ICA1: variants seen among roughly 807,000 people sequenced by gnomAD.
The protein encoded by ICA1 is 69 kDa islet cell autoantigen.
ICA1 carries 40 observed loss-of-function variants against 71.0 expected under a neutral mutation model. The observed-to-expected ratio is 0.56, with a 90% CI of 0.44 to 0.73. ICA1 has a LOEUF of 0.73. Among genes scored for constraint, ICA1 ranks in the 30% least tolerant of loss-of-function variants. ICA1 has a pLI of 0.00. For missense variants in ICA1, 578 were observed against 576.5 expected (o/e 1.00, Z -0.03); for synonymous variants, 207 against 209.5 (o/e 0.99, Z 0.10).
At chr7:8,258,479 C>T (rs769548788) in intron 1 of ICA1, among the ~76,000 whole-genome samples, 6 of 152,200 alleles carry the variant, frequency 3.9e-5, no homozygotes, top group Non-Finnish European at 5.9e-5. Flanking sequence ...GGAGTTACCA[C>T]TAATTGAGGA....
chr7:8,140,975 C>T (rs79313596), intron 10 of ICA1, among the ~76,000 whole-genome samples: 1 of 152,160 alleles, frequency 6.6e-6, no homozygotes, highest in Non-Finnish European at 1.5e-5. Context: ...GCATATGTCC[C>T]CAGGGGGACC....
At chr7:8,138,391 C>T (rs1420573996) in intron 12 of ICA1, among the ~76,000 whole-genome samples, 6 of 152,120 alleles carry the variant, frequency 3.9e-5, no homozygotes, top group African/African-American at 1.2e-4. Context: ...CATCAAGGAC[C>T]CCTTACACAC....
At chr7:8,159,630 G>A (rs1419230917) in intron 6 of ICA1, among the ~76,000 whole-genome samples, 1 of 152,046 alleles carries the variant, frequency 6.6e-6, no homozygotes, top group Non-Finnish European at 1.5e-5. Flanking sequence ...AGCGTGGGAG[G>A]TGGAGGTTGC....
intron 10 of ICA1, among the ~76,000 whole-genome samples, chr7:8,141,382 G>A (rs1265061587): frequency 6.6e-6 from 1 of 152,130 alleles, no homozygotes; most frequent in African/African-American, 2.4e-5. Context: ...CACACATACC[G>A]CAAATCCACC....
intron 6 of ICA1, among the ~76,000 whole-genome samples, chr7:8,174,852 A>ATCAT (rs1192558602): frequency 2.6e-5 from 4 of 152,078 alleles, no homozygotes; most frequent in Admixed American, 6.5e-5. Context: ...TCTTGGCAGC[A>ATCAT]TCATTCTACC....
chr7:8,152,643 TCCA>T (rs777722192), intron 8 of ICA1, among the ~76,000 whole-genome samples: 54 of 94,298 alleles, frequency 5.7e-4, no homozygotes, highest in Middle Eastern at 4.9e-3. Context: ...CACCATCTCC[TCCA>T]CCACCACCAC....
intron 3 of ICA1, among the ~76,000 whole-genome samples, chr7:8,230,620 T>A (rs1208675310): frequency 6.6e-6 from 1 of 152,250 alleles, no homozygotes; most frequent in East Asian, 1.9e-4. Context: ...ATATTTGTAA[T>A]TAACATATTA....
intron 3 of ICA1, 133 bp downstream of exon 3, chr7:8,232,457 T>A: frequency 1.6e-6 from 1 of 623,994 alleles, no homozygotes; most frequent in Non-Finnish European, 2.4e-6. Flanking sequence ...ATGCTGGGAT[T>A]GAGTTTACCT....
chr7:8,222,144 C>T lies in ICA1; in HGVS notation c.257-746G>A, dbSNP rs1797305343. 6.6e-6 allele frequency among the ~76,000 whole-genome samples: 1 copy of T among 152,096 alleles called. No homozygotes were observed. The highest frequency in any genetic ancestry group is 6.6e-5 in the Admixed American group (1 of 15,264). On this transcript the variant is annotated intron_variant, in intron 4 of 13. Transcript: ENST00000402384. The surrounding 1 kb of genome is among the most constrained non-coding windows in gnomAD (Gnocchi z 4.8). ...CCATGTCTACTGTTAGGAGAACTTC[C>T]TAAGGAAGTAGCAAAATGGGCACAA...
At chr7:8,166,313 A>T (rs969991737) in intron 6 of ICA1, among the ~76,000 whole-genome samples, 2 of 152,248 alleles carry the variant, frequency 1.3e-5, no homozygotes, top group Non-Finnish European at 2.9e-5. Context: ...CCAGTGGAGC[A>T]GAATAGAGAG....
chr7:8,124,418 C>T (rs924608459), intron 13 of ICA1, among the ~76,000 whole-genome samples: 5 of 148,404 alleles, frequency 3.4e-5, no homozygotes, highest in African/African-American at 7.5e-5. Flanking sequence ...CGCGCCCAGC[C>T]GTGTATAGGT....
At chr7:8,146,206 G>A (rs1170049545) in intron 8 of ICA1, among the ~76,000 whole-genome samples, 2 of 152,152 alleles carry the variant, frequency 1.3e-5, no homozygotes, top group African/African-American at 4.8e-5. Flanking sequence ...AAAACCGAGG[G>A]ATAGAAAGTG....
chr7:8,251,138 T>C (rs188447005), intron 1 of ICA1, among the ~76,000 whole-genome samples: 1 of 152,194 alleles, frequency 6.6e-6, no homozygotes, highest in Admixed American at 6.5e-5. Context: ...TCCACCAGCT[T>C]TGGACTCCCC....
intron 12 of ICA1, among the ~76,000 whole-genome samples, chr7:8,129,318 G>T (rs534527928): frequency 1.6e-4 from 25 of 151,802 alleles, no homozygotes; most frequent in African/African-American, 5.8e-4. Context: ...CATATTAAAT[G>T]AGATGACCAG....
chr7:8,197,414 A>G (rs374350248), intron 6 of ICA1, among the ~76,000 whole-genome samples: 1 of 151,416 alleles, frequency 6.6e-6, no homozygotes, highest in Non-Finnish European at 1.5e-5. Flanking sequence ...TTAGCCGGGC[A>G]TGGCGGTGCG....
At chr7:8,215,166 A>G (rs1795015115) in intron 6 of ICA1, among the ~76,000 whole-genome samples, 1 of 152,096 alleles carries the variant, frequency 6.6e-6, no homozygotes, top group African/African-American at 2.4e-5. Flanking sequence ...CCGTCCCCTT[A>G]GAGCGGTGTC....
At chr7:8,225,061 C>CT (rs1798204689) in intron 4 of ICA1, among the ~76,000 whole-genome samples, 1 of 151,888 alleles carries the variant, frequency 6.6e-6, no homozygotes. Flanking sequence ...TGTTTTTTTC[C>CT]TTTTGTAATC....
At position 8,223,745 on chromosome 7, in the gene ICA1, T is replaced by C. The variant is rs1797785566; in HGVS notation, c.257-2347A>G. Among the ~76,000 whole-genome samples the C allele has an allele frequency of 6.6e-6, 1 of 152,000 alleles. No homozygotes were observed. Among genetic ancestry groups the C allele is most frequent in the South Asian group, 2.1e-4 (1 of 4,822 alleles). On this transcript the variant is annotated intron_variant, in intron 4 of 13. Coordinates refer to ENST00000402384, the MANE Select transcript of ICA1 (RefSeq NM_001136020.3). This position sits in a 1 kb window ranked among gnomAD's most constrained non-coding sequence, Gnocchi z 4.1. Reference sequence around the variant, plus strand: ...GAGTTCAAGACCAGCCTGTGCAACATAGCAAGACCCCTGTCTCTATTACAA... The same window carrying C: ...GAGTTCAAGACCAGCCTGTGCAACACAGCAAGACCCCTGTCTCTATTACAA...
rs1797596568 is a variant in ICA1 at position 8,223,065 on chromosome 7, T to C, written c.257-1667A>G. On this transcript the variant is annotated intron_variant, in intron 4 of 13. Coordinates refer to ENST00000402384, the MANE Select transcript of ICA1 (RefSeq NM_001136020.3). The surrounding 1 kb of genome is among the most constrained non-coding windows in gnomAD (Gnocchi z 4.1). ...TTATTGCCTTTTAATACTCACGCCA[T>C]GGTTCTATGTAGCTTTTTAAAATTC... Among the ~76,000 whole-genome samples, 1 of 152,334 alleles carries C rather than the reference T, an allele frequency of 6.6e-6. No individual in the cohort carries two copies. The highest frequency in any genetic ancestry group is 1.9e-4 in the East Asian group (1 of 5,194).
Sources: allele counts gnomAD v4.1 joint callset (sites outside exome capture counted in the v4.1 genomes callset), GRCh38; gene constraint gnomAD v4.1.1; non-coding constraint Gnocchi (gnomAD v3.1); transcripts MANE v1.5; gene names NCBI Gene and HGNC (gene_info 2026-07-23, HGNC 2026-07-21).